The following ADARB2 variants were observed in gnomAD, a reference collection of about 807,000 sequenced individuals.
ADARB2 encodes the protein adenosine deaminase RNA specific B2 (inactive).
ADARB2 carries 25 observed loss-of-function variants against 62.2 expected under a neutral mutation model. The observed-to-expected ratio is 0.40, with a 90% CI of 0.29 to 0.56. ADARB2 has a LOEUF of 0.56. Among genes scored for constraint, ADARB2 ranks in the 20% least tolerant of loss-of-function variants. ADARB2 has a pLI of 0.43. For synonymous variants in ADARB2, 572 were observed against 500.8 expected, an observed-to-expected ratio of 1.14 and a Z score of -1.90; for missense variants, 1,071 against 1,077.4, an observed-to-expected ratio of 0.99 and a Z score of 0.08.
chr10:1,414,706 C>T (rs1325627094), intron 1 of ADARB2, among the ~76,000 whole-genome samples: 1 of 152,198 alleles, frequency 6.6e-6, no homozygotes, highest in Non-Finnish European at 1.5e-5. Context: ...ATCACGATGG[C>T]CCCTGGTCCC....
At chr10:1,708,778 C>T (rs1834920190) in intron 1 of ADARB2, among the ~76,000 whole-genome samples, 2 of 152,194 alleles carry the variant, frequency 1.3e-5, no homozygotes, top group South Asian at 4.1e-4. Context: ...GCACTTGGCA[C>T]ACACCACGTC....
At chr10:1,736,933 G>A (rs1835309374) in intron 1 of ADARB2, 118 bp downstream of exon 1, 3 of 1,035,092 alleles carry the variant, frequency 2.9e-6, no homozygotes, top group South Asian at 1.5e-5. Context: ...CAGCCATCCC[G>A]CCAGCACCCC....
In ADARB2 at chr10:1,426,012, T is replaced by C. The variant is rs1832890739; in HGVS notation, c.101-46852A>G. On this transcript the variant is annotated intron_variant, in intron 1 of 9. Coordinates refer to ENST00000381312, the MANE Select transcript of ADARB2 (RefSeq NM_018702.4). This position sits in a 1 kb window ranked among gnomAD's most constrained non-coding sequence, Gnocchi z 4.1. ...GTTACTCAAAAATGCGGAAACAGGT[T>C]CTTTCAGGAGGTTAGAGTTTCCTTC... Among the ~76,000 whole-genome samples the C allele has an allele frequency of 1.3e-5, 2 of 152,188 alleles. No homozygotes were observed. The highest frequency in any genetic ancestry group is 4.2e-4 in the South Asian group (2 of 4,816).
chr10:1,272,856 T>TC (rs1324392137), intron 3 of ADARB2, among the ~76,000 whole-genome samples: 1 of 152,110 alleles, frequency 6.6e-6, no homozygotes, highest in Non-Finnish European at 1.5e-5. Context: ...CAGGGATTCA[T>TC]CCCCCCGAAG....
intron 1 of ADARB2, among the ~76,000 whole-genome samples, chr10:1,481,640 C>T (rs552336207): frequency 3.4e-4 from 51 of 152,066 alleles, no homozygotes; most frequent in African/African-American, 1.2e-3. Context: ...GTGCGGATCA[C>T]GAGGTCAGGA....
intron 1 of ADARB2, among the ~76,000 whole-genome samples, chr10:1,688,183 G>T (rs904502243): frequency 6.6e-6 from 1 of 152,218 alleles, no homozygotes. Flanking sequence ...GACCTGGGGG[G>T]TTGAGTCCCA....
intron 2 of ADARB2, among the ~76,000 whole-genome samples, chr10:1,375,043 C>T (rs561747698): frequency 6.6e-5 from 10 of 152,222 alleles, no homozygotes; most frequent in African/African-American, 2.4e-4. Flanking sequence ...GCAGAAGGGC[C>T]TCCTTCAAAG....
chr10:1,521,391 T>C (rs1210298676), intron 1 of ADARB2, among the ~76,000 whole-genome samples: 1 of 152,188 alleles, frequency 6.6e-6, no homozygotes, highest in East Asian at 1.9e-4. Context: ...TTTATATACA[T>C]ATTCCCTATG....
chr10:1,590,065 T>G lies in ADARB2; in HGVS notation c.100+146986A>C, dbSNP rs957522541. 4.6e-5 allele frequency among the ~76,000 whole-genome samples: 7 copies of G among 152,182 alleles called. No individual in the cohort carries two copies. The East Asian group carries it at 1.2e-3, about 25-fold the overall frequency. On this transcript the variant is annotated intron_variant, in intron 1 of 9. Coordinates refer to ENST00000381312, the MANE Select transcript of ADARB2 (RefSeq NM_018702.4). ...AGAGAGTGTCCAGGCCCCTGTGGGC[T>G]GTGTGAGGTTGGCCTGGCTTGCTGG...
At chr10:1,344,740 G>A (rs186421592) in intron 3 of ADARB2, among the ~76,000 whole-genome samples, 2 of 152,300 alleles carry the variant, frequency 1.3e-5, no homozygotes, top group Admixed American at 6.5e-5. Flanking sequence ...CGGGCACGGC[G>A]AGGCACTCTC....
At chr10:1,386,285 T>A (rs1832524678) in intron 1 of ADARB2, among the ~76,000 whole-genome samples, 1 of 151,758 alleles carries the variant, frequency 6.6e-6, no homozygotes, top group Non-Finnish European at 1.5e-5. Flanking sequence ...CAGAAAAAAA[T>A]TAGCAATATG....
intron 4 of ADARB2, among the ~76,000 whole-genome samples, chr10:1,265,282 A>C (rs1332514306): frequency 6.6e-6 from 1 of 152,254 alleles, no homozygotes; most frequent in African/African-American, 2.4e-5. Flanking sequence ...CAAAATTATA[A>C]ATCTGCATAT....
chr10:1,498,783 A>T (rs911045646), intron 1 of ADARB2, among the ~76,000 whole-genome samples: 3 of 152,254 alleles, frequency 2.0e-5, no homozygotes, highest in Admixed American at 2.0e-4. Flanking sequence ...TTAGAAATAC[A>T]TCACTGACTC....
At chr10:1,488,384 A>G (rs753501981) in intron 1 of ADARB2, among the ~76,000 whole-genome samples, 3 of 152,216 alleles carry the variant, frequency 2.0e-5, no homozygotes, top group Non-Finnish European at 4.4e-5. Flanking sequence ...GGTGTGATGT[A>G]TTACAGTTTC....
intron 2 of ADARB2, among the ~76,000 whole-genome samples, chr10:1,370,733 GA>G (rs1215180247): frequency 6.6e-6 from 1 of 152,068 alleles, no homozygotes; most frequent in East Asian, 1.9e-4. Flanking sequence ...AAATACCTAG[GA>G]ATACATTTAA....
chr10:1,410,203 C>T (rs1370207407), intron 1 of ADARB2, among the ~76,000 whole-genome samples: 9 of 104,152 alleles, frequency 8.6e-5, no homozygotes, highest in African/African-American at 1.1e-4. Flanking sequence ...GGAAGGATTC[C>T]CAGTGGTGCC....
At chr10:1,424,544 G>T (rs1832879511) in intron 1 of ADARB2, among the ~76,000 whole-genome samples, 1 of 152,060 alleles carries the variant, frequency 6.6e-6, no homozygotes, top group South Asian at 2.1e-4. Flanking sequence ...TGATTTCCTG[G>T]ATTATGTCCT....
At chr10:1,727,845 C>G (rs12570576) in intron 1 of ADARB2, among the ~76,000 whole-genome samples, 9,772 of 152,230 alleles carry the variant, frequency 0.064, 519 homozygotes, top group East Asian at 0.2. Flanking sequence ...CACTCTTTGC[C>G]TGTCTCACGG....
chr10:1,384,923 T>C (rs562669819), intron 1 of ADARB2, among the ~76,000 whole-genome samples: 2 of 152,256 alleles, frequency 1.3e-5, no homozygotes, highest in Admixed American at 1.3e-4. Flanking sequence ...GGCACAATGC[T>C]GAAAGTCTGG....
Sources: allele counts gnomAD v4.1 joint callset (sites outside exome capture counted in the v4.1 genomes callset), GRCh38; gene constraint gnomAD v4.1.1; non-coding constraint Gnocchi (gnomAD v3.1); transcripts MANE v1.5; gene names NCBI Gene and HGNC (gene_info 2026-07-23, HGNC 2026-07-21).